Variants in PUDP observed in about 807,000 individuals in gnomAD.
PUDP encodes the protein pseudouridine-5'-phosphatase.
Under a neutral mutation model 9.4 loss-of-function variants are expected in PUDP, and 8 were observed. The observed-to-expected ratio is 0.85, with a 90% confidence interval of 0.50 to 1.53. The LOEUF (loss-of-function observed/expected upper bound fraction) is 1.53. Among genes scored for constraint, PUDP ranks in the 40% most tolerant of loss-of-function variants. The probability of loss-of-function intolerance (pLI) is 0.00; values close to 1 mark genes in which losing one functional copy is unlikely to be tolerated. For missense variants in PUDP, 188 were observed against 189.7 expected (o/e 0.99, Z 0.05); for synonymous variants, 99 against 80.7 (o/e 1.23, Z -1.22).
rs192360814 is a variant in PUDP at position 7,138,186 on chromosome X, C to T, written c.61+9867G>A. 2.7e-5 allele frequency among the ~76,000 whole-genome samples: 3 copies of T among 111,482 alleles called. No homozygotes were observed. In the Admixed American group the frequency reaches 2.9e-4, roughly 11 times the overall value. On this transcript the variant is annotated intron_variant, in intron 1 of 3. Coordinates refer to ENST00000381077, the MANE Select transcript of PUDP (RefSeq NM_012080.5). The stretch of plus-strand genomic sequence containing the variant: ...GTGGTATCATGTGGAAACAATCAGA[C>T]AAATCCAGAATGTAGGCTGGTGTCT...
intron 2 of PUDP, among the ~76,000 whole-genome samples, chrX:7,104,752 G>A (rs1931831180): frequency 8.9e-6 from 1 of 111,995 alleles, no homozygotes; most frequent in Non-Finnish European, 1.9e-5. Context: ...TGATTACAAA[G>A]GGTGTGTGTT....
intron 1 of PUDP, among the ~76,000 whole-genome samples, chrX:7,143,141 C>CTT (rs59707112): frequency 1.7e-4 from 18 of 105,481 alleles, no homozygotes; most frequent in African/African-American, 3.1e-4. Context: ...ATCCCTAGCA[C>CTT]TTTTTTTTTT....
chrX:6,946,650 C>CA (rs1394623553), intron 3 of PUDP, among the ~76,000 whole-genome samples: 3 of 111,778 alleles, frequency 2.7e-5, no homozygotes, highest in African/African-American at 9.8e-5. Flanking sequence ...AATGTGTACC[C>CA]AAAACCAATG....
intron 1 of PUDP, among the ~76,000 whole-genome samples, chrX:7,020,588 C>A (rs1382950665): frequency 8.9e-6 from 1 of 111,757 alleles, no homozygotes; most frequent in Non-Finnish European, 1.9e-5. Flanking sequence ...ACACGCACAA[C>A]CACATATACC....
intron 3 of PUDP, among the ~76,000 whole-genome samples, chrX:6,840,969 T>TA (rs1345220833): frequency 1.8e-5 from 2 of 111,711 alleles, no homozygotes; most frequent in African/African-American, 3.3e-5. Context: ...AATCTGACTC[T>TA]AAAAAAACAT....
chrX:7,023,535 G>A (rs1198011301), intron 1 of PUDP, among the ~76,000 whole-genome samples: 2 of 112,139 alleles, frequency 1.8e-5, no homozygotes, highest in Non-Finnish European at 3.8e-5. Context: ...TTATTTGTAT[G>A]TATTATTTGT....
chrX:7,030,115 GC>G (rs1929772161), intron 1 of PUDP, among the ~76,000 whole-genome samples: 1 of 108,071 alleles, frequency 9.3e-6, no homozygotes, highest in Non-Finnish European at 1.9e-5. Flanking sequence ...CAAAACACTG[GC>G]TATTTCTATC....
intron 3 of PUDP, among the ~76,000 whole-genome samples, chrX:6,766,956 C>T (rs1320063829): frequency 8.9e-6 from 1 of 112,308 alleles, no homozygotes; most frequent in African/African-American, 3.2e-5. Context: ...AATAGCAACC[C>T]AAAAAGGACC....
intron 3 of PUDP, among the ~76,000 whole-genome samples, chrX:6,800,816 T>A (rs1473240707): frequency 1.8e-5 from 2 of 111,903 alleles, no homozygotes; most frequent in Non-Finnish European, 3.8e-5. Context: ...CCATTCTTGT[T>A]AACAACCTAG....
At chrX:6,728,065 C>G (rs1014626835) in intron 3 of PUDP, among the ~76,000 whole-genome samples, 1 of 111,454 alleles carries the variant, frequency 9.0e-6, no homozygotes, top group African/African-American at 3.3e-5. Context: ...TTCCACCTGG[C>G]TGGGGAGGCC....
chrX:6,816,275 T>C (rs1037454532), intron 3 of PUDP, among the ~76,000 whole-genome samples: 5 of 105,410 alleles, frequency 4.7e-5, no homozygotes, highest in African/African-American at 1.7e-4. Context: ...ATGTATAGTA[T>C]ATATGTATAT....
At chrX:7,090,739 G>A (rs1356261575) in intron 2 of PUDP, among the ~76,000 whole-genome samples, 2 of 111,480 alleles carry the variant, frequency 1.8e-5, no homozygotes, top group Non-Finnish European at 3.8e-5. Context: ...TACAGGGACA[G>A]GCAGTTTCAA....
intron 3 of PUDP, among the ~76,000 whole-genome samples, chrX:6,897,644 T>C (rs1379984218): frequency 9.0e-6 from 1 of 111,517 alleles, no homozygotes; most frequent in Non-Finnish European, 1.9e-5. Context: ...ACTAGGCAGT[T>C]TCTAAACAGC....
At chrX:6,883,147 C>A (rs1305149154) in intron 3 of PUDP, among the ~76,000 whole-genome samples, 1 of 112,111 alleles carries the variant, frequency 8.9e-6, no homozygotes, top group Non-Finnish European at 1.9e-5. Context: ...CCCTCCCCTT[C>A]TTTGATGGAC....
intron 3 of PUDP, among the ~76,000 whole-genome samples, chrX:6,947,050 G>A (rs1387336304): frequency 1.9e-5 from 2 of 107,345 alleles, no homozygotes; most frequent in African/African-American, 3.4e-5. Context: ...GCCCAGGCTG[G>A]AGTGCAGTGG....
intron 3 of PUDP, among the ~76,000 whole-genome samples, chrX:6,967,517 C>T (rs758437003): frequency 9.0e-6 from 1 of 111,482 alleles, no homozygotes; most frequent in South Asian, 3.8e-4. Context: ...CCGCTTTGCA[C>T]CTATGCCGTG....
intron 2 of PUDP, among the ~76,000 whole-genome samples, chrX:7,102,990 T>A (rs1931782773): frequency 8.9e-6 from 1 of 112,063 alleles, no homozygotes; most frequent in Admixed American, 9.4e-5. Context: ...AAGACATTCA[T>A]AGCATGCAAA....
intron 2 of PUDP, among the ~76,000 whole-genome samples, chrX:7,096,430 G>A (rs1931573984): frequency 9.0e-6 from 1 of 110,917 alleles, no homozygotes; most frequent in Non-Finnish European, 1.9e-5. Context: ...TAAACACTGA[G>A]TAACGGTTAT....
intron 1 of PUDP, among the ~76,000 whole-genome samples, chrX:7,019,055 T>A (rs1390575438): frequency 8.9e-6 from 1 of 112,139 alleles, no homozygotes; most frequent in Non-Finnish European, 1.9e-5. Flanking sequence ...CCCCATGACC[T>A]TTTTTAATTC....
Sources: gnomAD v4.1 joint callset for allele counts (sites outside exome capture counted in the v4.1 genomes callset) on GRCh38, gnomAD v4.1.1 for gene constraint, MANE v1.5 for transcripts, NCBI Gene and HGNC (gene_info 2026-07-23, HGNC 2026-07-21) for gene names.